Variants in CDC42SE2 observed in about 807,000 individuals in gnomAD.
CDC42SE2 encodes the protein CDC42 small effector protein 2.
A neutral mutation model predicts 11.5 loss-of-function variants in CDC42SE2; 3 were observed. The observed-to-expected ratio is 0.26, with a 90% CI of 0.12 to 0.67. The LOEUF is 0.67. CDC42SE2 is among the 30% of genes least tolerant of loss of function. CDC42SE2 has a pLI of 0.80. For missense variants in CDC42SE2, 82 were observed against 106.8 expected (o/e 0.77, Z 1.02); for synonymous variants, 33 against 34.8 (o/e 0.95, Z 0.18).
the CDC42SE2 span, among the ~76,000 whole-genome samples, chr5:131,233,308 A>T: frequency 6.6e-6 from 1 of 152,196 alleles, no homozygotes; most frequent in Non-Finnish European, 1.5e-5. Context: ...TGCATGTAGC[A>T]TAATATATTT....
intron 1 of CDC42SE2, among the ~76,000 whole-genome samples, chr5:131,275,508 G>A (rs1757083700): frequency 1.3e-5 from 2 of 151,942 alleles, no homozygotes; most frequent in Admixed American, 1.3e-4. Flanking sequence ...TGGCCAGGCT[G>A]GTCTCAAACT....
intron 2 of CDC42SE2, among the ~76,000 whole-genome samples, chr5:131,345,270 G>A (rs1007888831): frequency 2.6e-5 from 4 of 152,014 alleles, no homozygotes; most frequent in African/African-American, 9.7e-5. Flanking sequence ...AAGATGAGAC[G>A]AATGGCTAAC....
intron 1 of CDC42SE2, among the ~76,000 whole-genome samples, chr5:131,300,644 G>A (rs1001441813): frequency 2.0e-5 from 3 of 151,996 alleles, no homozygotes; most frequent in Non-Finnish European, 4.4e-5. Context: ...TTAGCCAGGC[G>A]TGGTGGCGGG....
the CDC42SE2 span, among the ~76,000 whole-genome samples, chr5:131,217,448 G>T: frequency 2.0e-5 from 3 of 152,188 alleles, no homozygotes; most frequent in African/African-American, 7.2e-5. Flanking sequence ...TTCTGAAAGT[G>T]CCTCTCATAT....
chr5:131,235,605 G>C, the CDC42SE2 span, among the ~76,000 whole-genome samples: 1 of 142,696 alleles, frequency 7.0e-6, no homozygotes, highest in Non-Finnish European at 1.5e-5. Flanking sequence ...GTTTGTTTTT[G>C]TTTTTTTTAG....
intron 2 of CDC42SE2, among the ~76,000 whole-genome samples, chr5:131,345,301 G>C (rs1758812487): frequency 1.3e-5 from 2 of 152,118 alleles, no homozygotes; most frequent in Non-Finnish European, 2.9e-5. Flanking sequence ...GTGTAGAGAA[G>C]TCCTTACATG....
At chr5:131,387,192 T>G (rs1750512308) in intron 4 of CDC42SE2, among the ~76,000 whole-genome samples, 1 of 152,194 alleles carries the variant, frequency 6.6e-6, no homozygotes, top group African/African-American at 2.4e-5. Flanking sequence ...TTGTTATATA[T>G]GATGAATTTT....
At chr5:131,252,779 C>T (rs1756651682) in intron 1 of CDC42SE2, among the ~76,000 whole-genome samples, 1 of 152,228 alleles carries the variant, frequency 6.6e-6, no homozygotes, top group African/African-American at 2.4e-5. Flanking sequence ...TCCCTAAAGG[C>T]ATCAGCCTCT....
chr5:131,238,844 T>A, the CDC42SE2 span, among the ~76,000 whole-genome samples: 1 of 152,168 alleles, frequency 6.6e-6, no homozygotes, highest in Non-Finnish European at 1.5e-5. Flanking sequence ...ATTTTGATTC[T>A]TGTCTTTTCT....
At chr5:131,369,161 T>G (rs1749945222) in intron 3 of CDC42SE2, among the ~76,000 whole-genome samples, 1 of 152,214 alleles carries the variant, frequency 6.6e-6, no homozygotes. Flanking sequence ...TTTGCCTGTT[T>G]TAACTTTAAA....
intron 1 of CDC42SE2, among the ~76,000 whole-genome samples, chr5:131,299,385 G>A (rs1757635234): frequency 6.6e-6 from 1 of 152,156 alleles, no homozygotes; most frequent in African/African-American, 2.4e-5. Flanking sequence ...GTGACTTAGT[G>A]TTGGGGAGAA....
At chr5:131,335,088 T>G (rs1162619266) in intron 2 of CDC42SE2, among the ~76,000 whole-genome samples, 4 of 152,224 alleles carry the variant, frequency 2.6e-5, no homozygotes, top group African/African-American at 9.6e-5. Context: ...TTTCCTGCTT[T>G]CTCTTGTGGG....
intron 1 of CDC42SE2, among the ~76,000 whole-genome samples, chr5:131,275,463 A>C (rs570091438): frequency 6.6e-6 from 1 of 151,888 alleles, no homozygotes; most frequent in East Asian, 1.9e-4. Context: ...GGCCAGGCTA[A>C]TTTTGTTTTT....
chr5:131,249,094 T>C (rs1756619783), intron 1 of CDC42SE2, among the ~76,000 whole-genome samples: 1 of 148,030 alleles, frequency 6.8e-6, no homozygotes, highest in Non-Finnish European at 1.5e-5. Flanking sequence ...CTTGGCTCAC[T>C]GCAACCTCTG....
intron 2 of CDC42SE2, among the ~76,000 whole-genome samples, chr5:131,333,200 G>C (rs927286661): frequency 3.3e-5 from 5 of 152,042 alleles, no homozygotes; most frequent in African/African-American, 4.8e-5. Context: ...AGCCAGTTTT[G>C]CCAGCACCAT....
At chr5:131,252,492 A>G (rs1756648227) in intron 1 of CDC42SE2, among the ~76,000 whole-genome samples, 1 of 152,032 alleles carries the variant, frequency 6.6e-6, no homozygotes, top group Admixed American at 6.5e-5. Flanking sequence ...CGTCTCTACT[A>G]AAAATACAAA....
chr5:131,316,794 C>G (rs535239673), intron 2 of CDC42SE2, among the ~76,000 whole-genome samples: 2 of 152,274 alleles, frequency 1.3e-5, no homozygotes, highest in South Asian at 2.1e-4. Context: ...TATAGCCTCT[C>G]TATCTGAATT....
chr5:131,384,524 A>G (rs1750417722), intron 3 of CDC42SE2, among the ~76,000 whole-genome samples: 1 of 152,210 alleles, frequency 6.6e-6, no homozygotes, highest in African/African-American at 2.4e-5. Context: ...GGATAAGCAG[A>G]GCCCCATAGT....
chr5:131,292,240 C>CAAAAA (rs1202956370), intron 1 of CDC42SE2, among the ~76,000 whole-genome samples: 9 of 25,616 alleles, frequency 3.5e-4, no homozygotes, highest in Non-Finnish European at 4.1e-4. Flanking sequence ...TCTGTCTCAC[C>CAAAAA]AAAAAAAAAA....
Sources: allele counts gnomAD v4.1 joint callset (sites outside exome capture counted in the v4.1 genomes callset), GRCh38; gene constraint gnomAD v4.1.1; transcripts MANE v1.5; gene names NCBI Gene and HGNC (gene_info 2026-07-23, HGNC 2026-07-21).